Variants in BAZ2B observed in about 807,000 individuals in gnomAD.
BAZ2B encodes bromodomain adjacent to zinc finger domain protein 2B.
Under a neutral mutation model 246.0 loss-of-function variants are expected in BAZ2B, and 91 were observed. The ratio of observed to expected loss-of-function variants is 0.37; its 90% CI spans 0.31 to 0.44. The LOEUF (loss-of-function observed/expected upper bound fraction) is 0.44, where lower values mean the gene tolerates loss of function less well. Among genes scored for constraint, BAZ2B ranks in the 20% least tolerant of loss-of-function variants. BAZ2B has a pLI of 1.00. For missense variants in BAZ2B, 2,332 were observed against 2,533.7 expected (o/e 0.92, Z 1.71); for synonymous variants, 855 against 860.0 (o/e 0.99, Z 0.10).
At chr2:159,531,763 G>A (rs760985449) in intron 2 of BAZ2B, among the ~76,000 whole-genome samples, 2 of 151,972 alleles carry the variant, frequency 1.3e-5, no homozygotes, top group African/African-American at 4.8e-5. Context: ...CATCACCTTT[G>A]TAATACATCT....
chr2:159,466,118 G>T (rs774135996), intron 3 of BAZ2B, among the ~76,000 whole-genome samples: 1 of 152,062 alleles, frequency 6.6e-6, no homozygotes, highest in South Asian at 2.1e-4. Flanking sequence ...CTTAAGTCTT[G>T]GCTGTCTCTT....
chr2:159,481,448 CAAAAT>C (rs2079219511), intron 2 of BAZ2B, among the ~76,000 whole-genome samples: 3 of 150,598 alleles, frequency 2.0e-5, no homozygotes, highest in African/African-American at 4.8e-5. Context: ...ATAATAAAAA[CAAAAT>C]AAAATAATAT....
the BAZ2B span, among the ~76,000 whole-genome samples, chr2:159,711,533 C>T: frequency 6.6e-6 from 1 of 152,122 alleles, no homozygotes. Flanking sequence ...CAAAGGATTG[C>T]TTTTAATACC....
At chr2:159,688,159 C>A in the BAZ2B span, among the ~76,000 whole-genome samples, 1 of 152,132 alleles carries the variant, frequency 6.6e-6, no homozygotes, top group Non-Finnish European at 1.5e-5. Flanking sequence ...CCTGCCTCAG[C>A]CTTCCGAGTA....
chr2:159,538,946 A>G (rs2086328444), intron 2 of BAZ2B, among the ~76,000 whole-genome samples: 1 of 152,256 alleles, frequency 6.6e-6, no homozygotes, highest in Non-Finnish European at 1.5e-5. Context: ...TAAGACAGAT[A>G]CTACTTTATT....
chr2:159,686,562 C>G, the BAZ2B span, among the ~76,000 whole-genome samples: 1 of 151,952 alleles, frequency 6.6e-6, no homozygotes, highest in Non-Finnish European at 1.5e-5. Context: ...AGAGATGTAG[C>G]AACTAAATGC....
At chr2:159,565,494 T>TA (rs1559788486) in intron 1 of BAZ2B, among the ~76,000 whole-genome samples, 1 of 152,038 alleles carries the variant, frequency 6.6e-6, no homozygotes, top group Non-Finnish European at 1.5e-5. Flanking sequence ...AATAAATGCT[T>TA]AAGGCCAGGC....
intron 1 of BAZ2B, among the ~76,000 whole-genome samples, chr2:159,574,594 C>T (rs1408775749): frequency 6.6e-6 from 1 of 152,038 alleles, no homozygotes; most frequent in Admixed American, 6.6e-5. Context: ...CATGAATGTT[C>T]ACAGCAACAT....
At chr2:159,413,860 G>A (rs954908911) in intron 13 of BAZ2B, among the ~76,000 whole-genome samples, 2 of 146,674 alleles carry the variant, frequency 1.4e-5, no homozygotes, top group South Asian at 2.2e-4. Flanking sequence ...TTCGGAGGTC[G>A]CTCAAAAAAC....
intron 6 of BAZ2B, among the ~76,000 whole-genome samples, chr2:159,446,518 T>C (rs1489983432): frequency 6.6e-6 from 1 of 152,204 alleles, no homozygotes; most frequent in Non-Finnish European, 1.5e-5. Flanking sequence ...CAGTAGCTAC[T>C]TCATTTCGGA....
At chr2:159,372,588 G>A (rs2060970929) in intron 27 of BAZ2B, among the ~76,000 whole-genome samples, 1 of 152,240 alleles carries the variant, frequency 6.6e-6, no homozygotes, top group South Asian at 2.1e-4. Context: ...GGAGAAGGAA[G>A]TGATCACAAA....
intron 17 of BAZ2B, among the ~76,000 whole-genome samples, chr2:159,400,194 TAA>T: frequency 6.6e-6 from 1 of 152,348 alleles, no homozygotes; most frequent in East Asian, 1.9e-4. Context: ...AACAATCTGA[TAA>T]AACTTTGCAC....
intron 13 of BAZ2B, among the ~76,000 whole-genome samples, chr2:159,424,022 AAAAT>A (rs1414514189): frequency 3.9e-5 from 6 of 152,190 alleles, no homozygotes; most frequent in African/African-American, 1.4e-4. Flanking sequence ...AGTTGAGAGA[AAAAT>A]AAATAAAGCA....
intron 3 of BAZ2B, among the ~76,000 whole-genome samples, chr2:159,467,514 T>A (rs1236965976): frequency 6.6e-6 from 1 of 152,194 alleles, no homozygotes; most frequent in African/African-American, 2.4e-5. Flanking sequence ...CAGAATGGAA[T>A]CTCTTTGCTT....
chr2:159,535,262 C>T (rs549815262), intron 2 of BAZ2B, among the ~76,000 whole-genome samples: 1 of 152,300 alleles, frequency 6.6e-6, no homozygotes, highest in East Asian at 1.9e-4. Flanking sequence ...TGGCTCACGC[C>T]TGTGATTCCA....
chr2:159,524,853 T>C (rs1241933577), intron 2 of BAZ2B, among the ~76,000 whole-genome samples: 1 of 152,112 alleles, frequency 6.6e-6, no homozygotes, highest in African/African-American at 2.4e-5. Flanking sequence ...CAAGGCATTA[T>C]GTTAAATGCT....
At chr2:159,670,420 A>C in the BAZ2B span, among the ~76,000 whole-genome samples, 1 of 152,182 alleles carries the variant, frequency 6.6e-6, no homozygotes, top group Non-Finnish European at 1.5e-5. Context: ...TCAGAGTTCA[A>C]GCAGAACACT....
chr2:159,665,235 A>T, the BAZ2B span, among the ~76,000 whole-genome samples: 2 of 58,050 alleles, frequency 3.4e-5, no homozygotes, highest in East Asian at 8.4e-4. Context: ...TTCCATGCTC[A>T]TGGGTAGGAA....
the BAZ2B span, among the ~76,000 whole-genome samples, chr2:159,635,851 A>G: frequency 0.31 from 47,563 of 152,034 alleles, 9,391 homozygotes; most frequent in Admixed American, 0.48. Context: ...TTACTCTTTA[A>G]AACAAAAAGT....
Sources: gnomAD v4.1 joint callset for allele counts (sites outside exome capture counted in the v4.1 genomes callset) on GRCh38, gnomAD v4.1.1 for gene constraint, MANE v1.5 for transcripts, NCBI Gene and HGNC (gene_info 2026-07-23, HGNC 2026-07-21) for gene names.